NIPSNAP3B: variants seen among roughly 807,000 people sequenced by gnomAD.
The protein encoded by NIPSNAP3B is nipsnap homolog 3B, also known as protein NipSnap homolog 3B.
A neutral mutation model predicts 31.5 loss-of-function variants in NIPSNAP3B; 30 were observed. That is an observed-to-expected ratio of 0.95 (90% CI 0.71 to 1.29). The LOEUF (loss-of-function observed/expected upper bound fraction) is 1.29. Among genes scored for constraint, NIPSNAP3B ranks in the 50% most tolerant of loss-of-function variants. The pLI is 0.00. For missense variants in NIPSNAP3B, 269 were observed against 300.7 expected, an observed-to-expected ratio of 0.89 and a Z score of 0.78; for synonymous variants, 106 against 107.9, an observed-to-expected ratio of 0.98 and a Z score of 0.11.
chr9:104,771,087 A>T (rs570943423), intron 4 of NIPSNAP3B, 89 bp downstream of exon 4: 1 of 1,188,638 alleles, frequency 8.4e-7, no homozygotes, highest in Non-Finnish European at 1.2e-6. Context: ...TTTAATTTTT[A>T]TCTCCAAATT....
the NIPSNAP3B span, chr9:104,786,854 C>G: frequency 6.2e-7 from 1 of 1,601,624 alleles, no homozygotes; most frequent in African/African-American, 1.3e-5. Flanking sequence ...AGTGAGGAAC[C>G]CAAGACTTTA....
chr9:104,777,465 C>T lies in NIPSNAP3B; in HGVS notation c.*4392C>T, dbSNP rs1177192424. The T allele has an allele frequency of 6.6e-6, 1 of 152,200 alleles. No homozygotes were observed. Among genetic ancestry groups the T allele is most frequent in the Non-Finnish European group, 1.5e-5 (1 of 68,044 alleles). The allele number at this position is 152,200 out of a possible 1,614,324, so 9.4% of individuals were successfully genotyped here. On this transcript the variant is annotated 3_prime_UTR_variant, in exon 6 of 6. Coordinates refer to ENST00000374762, the MANE Select transcript of NIPSNAP3B (RefSeq NM_018376.4). ...CCAGGAGGAGGAAATGGTTTGTTTTCTTTAGTGACAGTTGGCCCAGGATCC... is the reference window on the plus strand; with the variant it reads ...CCAGGAGGAGGAAATGGTTTGTTTTTTTTAGTGACAGTTGGCCCAGGATCC...
the NIPSNAP3B span, chr9:104,786,341 C>T: frequency 1.2e-6 from 2 of 1,614,034 alleles, no homozygotes; most frequent in African/African-American, 2.7e-5. Flanking sequence ...CTGAACCTTC[C>T]ATTGACCATG....
chr9:104,773,617 CATTG>C lies in NIPSNAP3B; in HGVS notation c.*548_*551del, dbSNP rs1428645987. The C allele has an allele frequency of 1.3e-5, 2 of 152,126 alleles. No individual in the cohort carries two copies. The highest frequency in any genetic ancestry group is 2.4e-5 in the African/African-American group (1 of 41,422). 9.4% of individuals were successfully genotyped at this position (152,126 alleles called of 1,614,324 possible). A position where few individuals can be genotyped will look rare whatever the true frequency, so the allele number is the denominator to read the frequency against. On this transcript the variant is annotated 3_prime_UTR_variant, in exon 6 of 6. Transcript: ENST00000374762. ...CTGTATTAATTATTGCTTTTACATT[CATTG>C]ATTATTAGTCATTCTAACTTGGAAA...
chr9:104,773,126 A>G lies in NIPSNAP3B; in HGVS notation c.*53A>G. 6.5e-7 allele frequency: 1 copy of G among 1,546,278 alleles called. No individual in the cohort carries two copies. The highest frequency in any genetic ancestry group is 8.9e-7 in the Non-Finnish European group (1 of 1,122,364). On this transcript the variant is annotated 3_prime_UTR_variant, in exon 6 of 6. Transcript: ENST00000374762. ...TTAACTGCTCTAAGATGTGTCTGCT[A>G]ATGGTGCTTAAATTCTCCCAAGAGG...
chr9:104,786,293 A>G, the NIPSNAP3B span: 1 of 1,610,246 alleles, frequency 6.2e-7, no homozygotes, highest in Non-Finnish European at 8.5e-7. Flanking sequence ...AATTATCTTT[A>G]TTACCTATTT....
At chr9:104,784,743 G>C in the NIPSNAP3B span, among the ~76,000 whole-genome samples, 1 of 152,062 alleles carries the variant, frequency 6.6e-6, no homozygotes, top group African/African-American at 2.4e-5. Context: ...TCCTGGGTTC[G>C]AGCAATTCTC....
At chr9:104,780,891 T>TC (rs535152545), downstream of NIPSNAP3B, 77 of 152,500 alleles carry the variant, frequency 5.0e-4, no homozygotes, top group East Asian at 3.3e-3. Context: ...AAGGGAACAT[T>TC]TGAATCTTTT....
At chr9:104,790,220 A>G in the NIPSNAP3B span, among the ~76,000 whole-genome samples, 1,594 of 152,278 alleles carry the variant, frequency 0.01, 37 homozygotes, top group African/African-American at 0.037. Flanking sequence ...GTGCAGTCTC[A>G]GAAAATGGCC....
At chr9:104,778,293 C>T (rs1162323166), downstream of NIPSNAP3B, among the ~76,000 whole-genome samples, 3 of 151,912 alleles carry the variant, frequency 2.0e-5, no homozygotes, top group African/African-American at 4.8e-5. Context: ...TGCAATGGTG[C>T]GATCTCAGCT....
the NIPSNAP3B span, chr9:104,784,295 C>T: frequency 2.2e-5 from 36 of 1,613,876 alleles, no homozygotes; most frequent in African/African-American, 4.0e-5. Flanking sequence ...CTTTCAGCCA[C>T]CCCGTATGAA....
chr9:104,769,094 G>C, intron 3 of NIPSNAP3B, 73 bp downstream of exon 3: 2 of 1,078,378 alleles, frequency 1.9e-6, no homozygotes, highest in South Asian at 2.0e-5. Context: ...AAAGAGTAAA[G>C]TTCTATAGGA....
the NIPSNAP3B span, chr9:104,785,334 G>A: frequency 6.2e-7 from 1 of 1,604,006 alleles, no homozygotes; most frequent in South Asian, 1.1e-5. Context: ...CCTATGGGCG[G>A]GAGTGTCGGG....
At chr9:104,778,511 A>G (rs1828383357), downstream of NIPSNAP3B, among the ~76,000 whole-genome samples, 1 of 152,110 alleles carries the variant, frequency 6.6e-6, no homozygotes, top group Non-Finnish European at 1.5e-5. Flanking sequence ...ATAGGCGTGC[A>G]CCACCACGCC....
intron 1 of NIPSNAP3B, among the ~76,000 whole-genome samples, chr9:104,765,431 A>G (rs573838594): frequency 1.3e-5 from 2 of 152,202 alleles, no homozygotes; most frequent in Non-Finnish European, 2.9e-5. Context: ...ATTTGCATGT[A>G]CGTACATACA....
chr9:104,769,956 A>G (rs1304097965), intron 3 of NIPSNAP3B, among the ~76,000 whole-genome samples: 5 of 152,254 alleles, frequency 3.3e-5, no homozygotes, highest in African/African-American at 1.2e-4. Flanking sequence ...AACAGAGGTC[A>G]GATTCGAAAA....
rs1828249908 is a variant in NIPSNAP3B at position 104,772,701 on chromosome 9, T to C, written c.581-121T>C. ...CCTCTGAAATCTTATAACTAACATA[T>C]TTAGTTTTACCTTTTGATTTTGATT... On this transcript the variant is annotated intron_variant, in intron 4 of 5. Coordinates refer to ENST00000374762, the MANE Select transcript of NIPSNAP3B (RefSeq NM_018376.4). 3 of 1,188,080 alleles carry C rather than the reference T, an allele frequency of 2.5e-6. No individual in the cohort carries two copies. In the Admixed American group the frequency reaches 6.0e-5, roughly 24 times the overall value. The allele number at this position is 1,188,080 out of a possible 1,614,324, so 73.6% of individuals were successfully genotyped here.
In NIPSNAP3B at chr9:104,764,131, T is replaced by C; in HGVS notation, c.-110T>C. ...AGCTGACCCCGCCGAGTCCCGCCCCTGCCTGAGTTCGCCAGTGGTCCAGGA... is the reference window on the plus strand; with the variant it reads ...AGCTGACCCCGCCGAGTCCCGCCCCCGCCTGAGTTCGCCAGTGGTCCAGGA... On this transcript the variant is annotated 5_prime_UTR_variant, in exon 1 of 6. Coordinates refer to ENST00000374762, the MANE Select transcript of NIPSNAP3B (RefSeq NM_018376.4). The C allele has an allele frequency of 2.9e-6, 3 of 1,032,022 alleles. No homozygotes were observed. Among genetic ancestry groups the C allele is most frequent in the East Asian group, 2.8e-5 (1 of 35,784 alleles). The allele number at this position is 1,032,022 out of a possible 1,614,324, so 63.9% of individuals were successfully genotyped here.
intron 3 of NIPSNAP3B, 118 bp from the exon 4 acceptor site, chr9:104,770,731 A>C: frequency 1.3e-6 from 1 of 754,172 alleles, no homozygotes. Flanking sequence ...CTGCATATGT[A>C]TGTATACATG....
Sources: gnomAD v4.1 joint callset for allele counts (sites outside exome capture counted in the v4.1 genomes callset) on GRCh38, gnomAD v4.1.1 for gene constraint, MANE v1.5 for transcripts, NCBI Gene and HGNC (gene_info 2026-07-23, HGNC 2026-07-21) for gene names.